CSMD1: variants seen among roughly 807,000 people sequenced by gnomAD.
The protein encoded by CSMD1 is CUB and Sushi multiple domains 1.
A neutral mutation model predicts 417.5 loss-of-function variants in CSMD1; 213 were observed. The ratio of observed to expected loss-of-function variants is 0.51; its 90% CI spans 0.46 to 0.57. The LOEUF is 0.57. Among genes scored for constraint, CSMD1 ranks in the 20% least tolerant of loss-of-function variants. The pLI, the probability that CSMD1 is intolerant of heterozygous loss-of-function variation, is 0.00. For missense variants in CSMD1, 6,923 were observed against 4,529.7 expected (o/e 1.53, Z -15.17); for synonymous variants, 2,862 against 1,736.8 (o/e 1.65, Z -16.11).
intron 6 of CSMD1, among the ~76,000 whole-genome samples, chr8:3,733,207 T>A (rs77765122): frequency 2.9e-3 from 361 of 125,634 alleles, no homozygotes; most frequent in African/African-American, 0.013. Flanking sequence ...ACACACACAC[T>A]CTCTCTCTCT....
At chr8:4,630,380 G>A (rs1362909685) in intron 2 of CSMD1, among the ~76,000 whole-genome samples, 1 of 151,928 alleles carries the variant, frequency 6.6e-6, no homozygotes, top group Non-Finnish European at 1.5e-5. Flanking sequence ...TAACCATGAT[G>A]AGAGCCCAAT....
rs147940464 is a variant in CSMD1, at chr8:3,998,141, A to C, written c.611-31T>G. On this transcript the variant is annotated intron_variant, in intron 4 of 69. Transcript: ENST00000635120. ...GGGGCAAAAGCAGAAAGAAAGCATCACATTTCAGGATGGTTTTCATACACG... is the reference window on the plus strand; with the variant it reads ...GGGGCAAAAGCAGAAAGAAAGCATCCCATTTCAGGATGGTTTTCATACACG... 416 of 1,531,094 alleles carry C rather than the reference A, an allele frequency of 2.7e-4. 2 individuals carry two copies. In the African/African-American group the frequency reaches 4.8e-3, roughly 18 times the overall value. 94.8% of individuals were successfully genotyped at this position (1,531,094 alleles called of 1,614,324 possible).
At chr8:3,397,609 T>G (rs1811782984) in intron 16 of CSMD1, among the ~76,000 whole-genome samples, 1 of 152,176 alleles carries the variant, frequency 6.6e-6, no homozygotes, top group Admixed American at 6.5e-5. Flanking sequence ...ATTCTAAATC[T>G]TTTTCTTAAA....
At chr8:4,064,797 C>T (rs947785385) in intron 3 of CSMD1, among the ~76,000 whole-genome samples, 1 of 152,144 alleles carries the variant, frequency 6.6e-6, no homozygotes, top group Non-Finnish European at 1.5e-5. Context: ...CCTTCCTGTA[C>T]TCCCGGTGAT....
chr8:4,010,109 C>T (rs1816429990), intron 4 of CSMD1, among the ~76,000 whole-genome samples: 2 of 152,192 alleles, frequency 1.3e-5, no homozygotes, highest in Admixed American at 6.5e-5. Flanking sequence ...TCCTTCCCTT[C>T]TTCCTCTGAT....
rs76339579 is a variant in CSMD1, at chr8:3,888,491, C to T, written c.818+109412G>A. ...CCATTTAGGAGATGATTATCATTAGCTCAAATGAAACACAAAGCGCTTTGC... is the reference window on the plus strand; with the variant it reads ...CCATTTAGGAGATGATTATCATTAGTTCAAATGAAACACAAAGCGCTTTGC... On this transcript the variant is annotated intron_variant, in intron 5 of 69. Transcript: ENST00000635120. Among the ~76,000 whole-genome samples the T allele has an allele frequency of 6.3e-3, 964 of 152,280 alleles. 36 individuals are homozygous for T. The highest frequency in any genetic ancestry group is 0.05 in the Admixed American group (760 of 15,274).
chr8:4,644,125 G>C (rs916362857), intron 1 of CSMD1, among the ~76,000 whole-genome samples: 3 of 152,210 alleles, frequency 2.0e-5, no homozygotes, highest in Admixed American at 1.3e-4. Flanking sequence ...GCAAGGCCTT[G>C]AAGGGAGCTC....
At chr8:4,101,722 G>A (rs1242999124) in intron 3 of CSMD1, among the ~76,000 whole-genome samples, 1 of 152,170 alleles carries the variant, frequency 6.6e-6, no homozygotes, top group Non-Finnish European at 1.5e-5. Context: ...CATTCCAGAG[G>A]AGAAAAGCAA....
At chr8:4,241,974 C>T (rs1015892627) in intron 3 of CSMD1, among the ~76,000 whole-genome samples, 1 of 152,186 alleles carries the variant, frequency 6.6e-6, no homozygotes, top group Non-Finnish European at 1.5e-5. Context: ...AACGGATTAA[C>T]ATGCCAACAG....
chr8:4,109,421 G>T (rs1347444002), intron 3 of CSMD1, among the ~76,000 whole-genome samples: 2 of 152,120 alleles, frequency 1.3e-5, no homozygotes, highest in Non-Finnish European at 2.9e-5. Flanking sequence ...TAATCACGGT[G>T]AAAGTTTCAT....
intron 8 of CSMD1, among the ~76,000 whole-genome samples, chr8:3,609,116 C>G (rs1199447919): frequency 6.6e-6 from 1 of 152,184 alleles, no homozygotes; most frequent in Non-Finnish European, 1.5e-5. Flanking sequence ...GGATCCAGCT[C>G]TGACTCTGAC....
At chr8:4,434,086 C>A (rs1179581088) in intron 2 of CSMD1, among the ~76,000 whole-genome samples, 1 of 152,054 alleles carries the variant, frequency 6.6e-6, no homozygotes, top group Admixed American at 6.6e-5. Flanking sequence ...GCCTGTGATC[C>A]CAGCACTTTG....
chr8:3,944,508 T>A (rs1394615776), intron 5 of CSMD1, among the ~76,000 whole-genome samples: 2 of 152,130 alleles, frequency 1.3e-5, no homozygotes, highest in Non-Finnish European at 2.9e-5. Flanking sequence ...AACCTTTAGA[T>A]TAGGCAGAGT....
intron 23 of CSMD1, among the ~76,000 whole-genome samples, chr8:3,318,512 A>G (rs17320431): frequency 0.02 from 3,055 of 152,318 alleles, 41 homozygotes; most frequent in East Asian, 0.037. Flanking sequence ...TATAAAAGTT[A>G]ACATATTCCC....
chr8:4,871,943 T>C (rs1585242245), intron 1 of CSMD1, among the ~76,000 whole-genome samples: 1 of 152,066 alleles, frequency 6.6e-6, no homozygotes, highest in East Asian at 1.9e-4. Flanking sequence ...CCACTATCTC[T>C]ATGGTCTGGA....
At chr8:4,883,454 A>C (rs1275141718) in intron 1 of CSMD1, among the ~76,000 whole-genome samples, 1 of 152,094 alleles carries the variant, frequency 6.6e-6, no homozygotes, top group Non-Finnish European at 1.5e-5. Context: ...TCATCCCAAA[A>C]AGAAATACCC....
At position 4,221,377 on chromosome 8, in the gene CSMD1, A is replaced by AG. The variant is rs1474306010; in HGVS notation, c.416-189279dup. On this transcript the variant is annotated intron_variant, in intron 3 of 69. Transcript: ENST00000635120. ...GAAGCCCATCTCTACAAGGAAAGTG[A>AG]GAAAAAAAAAAAAAAACAACACATT... Among the ~76,000 whole-genome samples, 211 of 98,922 alleles carry AG rather than the reference A, an allele frequency of 2.1e-3. 4 individuals carry two copies. In the East Asian group the frequency reaches 0.039, roughly 19 times the overall value. The allele number at this position is 98,922 out of a possible 152,430, so 64.9% of individuals were successfully genotyped here.
intron 1 of CSMD1, among the ~76,000 whole-genome samples, chr8:4,794,900 T>G (rs1797890617): frequency 6.6e-6 from 1 of 151,894 alleles, no homozygotes; most frequent in South Asian, 2.1e-4. Context: ...GGCAAGAAAT[T>G]AAATCAGGAG....
At chr8:4,466,739 C>A (rs1464669553) in intron 2 of CSMD1, among the ~76,000 whole-genome samples, 1 of 151,926 alleles carries the variant, frequency 6.6e-6, no homozygotes, top group Non-Finnish European at 1.5e-5. Context: ...ATACATATTT[C>A]CAATAATACT....
Sources: allele counts gnomAD v4.1 joint callset (sites outside exome capture counted in the v4.1 genomes callset), GRCh38; gene constraint gnomAD v4.1.1; transcripts MANE v1.5; gene names NCBI Gene and HGNC (gene_info 2026-07-23, HGNC 2026-07-21).